NECAB2: variants seen among roughly 807,000 people sequenced by gnomAD.
NECAB2 encodes N-terminal EF-hand calcium binding protein 2, also known as N-terminal EF-hand calcium-binding protein 2.
In NECAB2, 68 loss-of-function variants were observed where a neutral mutation model predicts 51.9. The ratio of observed to expected loss-of-function variants is 1.31; its 90% CI spans 1.08 to 1.60. NECAB2 has a LOEUF of 1.60. Among genes scored for constraint, NECAB2 ranks in the 40% most tolerant of loss-of-function variants. The pLI is 0.00. For missense variants in NECAB2, 854 were observed against 490.3 expected, an observed-to-expected ratio of 1.74 and a Z score of -7.00; for synonymous variants, 329 against 203.5, an observed-to-expected ratio of 1.62 and a Z score of -5.25.
chr16:83,991,144 G>T (rs1382196315), intron 6 of NECAB2, among the ~76,000 whole-genome samples: 1 of 151,798 alleles, frequency 6.6e-6, no homozygotes, highest in Non-Finnish European at 1.5e-5. Context: ...CACCATGCCT[G>T]GCTGATTTTT....
Position 83,994,625 on chromosome 16 carries a change from G to A in NECAB2, c.732G>A (p.Lys244=). The change falls in exon 8 of 13, where the codon AAG becomes AAA. Residue 244 remains lysine (K), a synonymous_variant. Coordinates refer to ENST00000305202, the MANE Select transcript of NECAB2 (RefSeq NM_019065.3). Reference sequence around the variant, plus strand: ...CTACCGCAGCCACGGAGGATGCAAAGGAAGAGGGTCTGGAAGCCCAGATCA... The same window carrying A: ...CTACCGCAGCCACGGAGGATGCAAAAGAAGAGGGTCTGGAAGCCCAGATCA... ...KTLPSATEDA[K]EEGLEAQISR... The A allele has an allele frequency of 6.2e-7, 1 of 1,614,162 alleles. No individual in the cohort carries two copies. The highest frequency in any genetic ancestry group is 8.5e-7 in the Non-Finnish European group (1 of 1,180,044).
In NECAB2 at chr16:84,002,450, A is replaced by C; in HGVS notation, c.*104A>C. On this transcript the variant is annotated 3_prime_UTR_variant, in exon 13 of 13. Coordinates refer to ENST00000305202, the MANE Select transcript of NECAB2 (RefSeq NM_019065.3). Reference sequence around the variant, plus strand: ...ACTTTGGTGCAGAAGCTTCTTTTCAATCCATCCTCCACAAGAAGGTGTTTC... The same window carrying C: ...ACTTTGGTGCAGAAGCTTCTTTTCACTCCATCCTCCACAAGAAGGTGTTTC... The C allele has an allele frequency of 2.8e-6, 4 of 1,421,468 alleles. No individual in the cohort carries two copies. Among genetic ancestry groups the C allele is most frequent in the Non-Finnish European group, 9.9e-7 (1 of 1,012,730 alleles). 88.1% of individuals were successfully genotyped at this position (1,421,468 alleles called of 1,614,324 possible).
intron 9 of NECAB2, among the ~76,000 whole-genome samples, 178 bp from the exon 10 acceptor site, chr16:83,998,027 G>T: frequency 6.6e-6 from 1 of 152,128 alleles, no homozygotes; most frequent in East Asian, 1.9e-4. Flanking sequence ...GGCTCTTGAG[G>T]TTCTAGTCCT....
chr16:83,976,076 AG>A (rs1196902650), intron 2 of NECAB2, among the ~76,000 whole-genome samples: 3 of 152,060 alleles, frequency 2.0e-5, no homozygotes, highest in Non-Finnish European at 4.4e-5. Flanking sequence ...CTGTGTGCAG[AG>A]GGGGCCCAAG....
At position 84,001,813 on chromosome 16, in the gene NECAB2, C is replaced by T; in HGVS notation, c.1041-12C>T. Reference sequence around the variant, plus strand: ...CTGCCACCCCTGACTCACACATGTCCCTGCGTCACAGGCACCTGCAGAGCC... The same window carrying T: ...CTGCCACCCCTGACTCACACATGTCTCTGCGTCACAGGCACCTGCAGAGCC... On this transcript the variant is annotated splice_polypyrimidine_tract_variant and intron_variant, in intron 11 of 12. Coordinates refer to ENST00000305202, the MANE Select transcript of NECAB2 (RefSeq NM_019065.3). The T allele has an allele frequency of 1.9e-6, 3 of 1,613,876 alleles. No individual in the cohort carries two copies. Among genetic ancestry groups the T allele is most frequent in the Non-Finnish European group, 2.5e-6 (3 of 1,179,836 alleles).
Position 84,000,919 on chromosome 16 carries a change from C to T in NECAB2, c.1040+118C>T, listed in dbSNP as rs149078072. ...AGGCCGAGTCCAGTCAGCAGATTCC[C>T]GAGGCATCTACCCGCTGGCATGCTT... is the stretch of plus-strand genomic sequence containing the variant. On this transcript the variant is annotated intron_variant, in intron 11 of 12. Coordinates refer to ENST00000305202, the MANE Select transcript of NECAB2 (RefSeq NM_019065.3). 2,803 of 979,646 alleles carry T rather than the reference C, an allele frequency of 2.9e-3. 38 individuals are homozygous for T. The highest frequency in any genetic ancestry group is 0.019 in the South Asian group (1,322 of 69,648). The allele number at this position is 979,646 out of a possible 1,614,324, so 60.7% of individuals were successfully genotyped here. A position where few individuals can be genotyped will look rare whatever the true frequency, so the allele number is the denominator to read the frequency against.
chr16:83,996,823 A>G (rs1335090138), intron 8 of NECAB2, among the ~76,000 whole-genome samples: 1 of 152,150 alleles, frequency 6.6e-6, no homozygotes, highest in Non-Finnish European at 1.5e-5. Context: ...GTATTTGTAA[A>G]CCATCTAGCT....
chr16:83,971,108 T>G (rs1383403677), intron 1 of NECAB2, among the ~76,000 whole-genome samples: 1 of 144,742 alleles, frequency 6.9e-6, no homozygotes, highest in Non-Finnish European at 1.5e-5. Flanking sequence ...AAAAAAAAAA[T>G]AGTGCTGGTG....
At chr16:83,968,035 T>G (rs2084306910), upstream of NECAB2, among the ~76,000 whole-genome samples, 1 of 150,830 alleles carries the variant, frequency 6.6e-6, no homozygotes, top group Non-Finnish European at 1.5e-5. Context: ...GATGGATGGG[T>G]GGATGGAGTA....
chr16:83,969,745 C>G (rs1284396197), intron 1 of NECAB2, among the ~76,000 whole-genome samples: 3 of 152,162 alleles, frequency 2.0e-5, no homozygotes, highest in Admixed American at 6.5e-5. Context: ...ATGTTGACTG[C>G]GTGTTTCAGC....
rs140440805 is a variant in NECAB2 at position 83,981,010 on chromosome 16, C to G, written c.362-20C>G. 5.6e-6 allele frequency: 9 copies of G among 1,612,762 alleles called. No homozygotes were observed. Among genetic ancestry groups the G allele is most frequent in the Admixed American group, 3.3e-5 (2 of 60,014 alleles). On this transcript the variant is annotated intron_variant, in intron 4 of 12. Transcript: ENST00000305202. ...AGGGGCAGGACCTGTGACCCCTGAC[C>G]TTTGCCTTTCCTTCCCCAGATTACT...
chr16:83,985,249 G>A (rs1018631203), intron 5 of NECAB2, among the ~76,000 whole-genome samples: 1 of 141,892 alleles, frequency 7.0e-6, no homozygotes, highest in Non-Finnish European at 1.5e-5. Context: ...GGAGGTGGAG[G>A]TTGCAGTGAG....
intron 6 of NECAB2, 90 bp downstream of exon 6, chr16:83,990,720 C>G (rs2084613061): frequency 6.5e-7 from 1 of 1,529,610 alleles, no homozygotes; most frequent in South Asian, 1.2e-5. Flanking sequence ...GTCTGTGTAC[C>G]TAAGAGCTGG....
intron 5 of NECAB2, among the ~76,000 whole-genome samples, chr16:83,984,556 C>G (rs377604721): frequency 6.4e-4 from 97 of 151,998 alleles, no homozygotes; most frequent in African/African-American, 2.1e-3. Flanking sequence ...GACCCCGTTT[C>G]TACCAAAAAC....
rs780604231 is a variant in NECAB2 at position 83,994,389 on chromosome 16, G to T, written c.684G>T (p.Met228Ile). Reference sequence around the variant, plus strand: ...CCTCTGCCCCCAACCACAAGCTCATGGCTATGGAACAAGGCAAGACCCTTC... The same window carrying T: ...CCTCTGCCCCCAACCACAAGCTCATTGCTATGGAACAAGGCAAGACCCTTC... The part of the protein sequence containing the change: ...TPASAPNHKL[M>I]AMEQGKTLPS... Residue 228 changes from methionine (M) to isoleucine (I), a missense_variant, in exon 7 of 13, where the codon ATG becomes ATT. Coordinates refer to ENST00000305202, the MANE Select transcript of NECAB2 (RefSeq NM_019065.3). 1 of 1,614,172 alleles carries T rather than the reference G, an allele frequency of 6.2e-7. No homozygotes were observed. Among genetic ancestry groups the T allele is most frequent in the African/African-American group, 1.3e-5 (1 of 75,050 alleles).
rs76941130 is a variant in NECAB2, at chr16:83,979,834, C to G, written c.336-1005C>G. 3.1e-3 allele frequency among the ~76,000 whole-genome samples: 467 copies of G among 152,226 alleles called. 16 individuals are homozygous for G. In the East Asian group the frequency reaches 0.076, roughly 25 times the overall value. On this transcript the variant is annotated intron_variant, in intron 3 of 12. Transcript: ENST00000305202. ...TTAGGATTAATCTCCCCAACATTACCTAAGGTGTGAGCCACGAACATTAGC... is the reference window on the plus strand; with the variant it reads ...TTAGGATTAATCTCCCCAACATTACGTAAGGTGTGAGCCACGAACATTAGC...
At position 83,997,208 on chromosome 16, in the gene NECAB2, T is replaced by C. The variant is rs772403058; in HGVS notation, c.796-8T>C. On this transcript the variant is annotated splice_region_variant and splice_polypyrimidine_tract_variant and intron_variant, in intron 8 of 12. Transcript: ENST00000305202. ...GGTCTAGCATCACTGTGTGCTGGATTGTTTCAGGCACTGTGGTTCGACCTG... is the reference window on the plus strand; with the variant it reads ...GGTCTAGCATCACTGTGTGCTGGATCGTTTCAGGCACTGTGGTTCGACCTG... 4 of 1,613,982 alleles carry C rather than the reference T, an allele frequency of 2.5e-6. No homozygotes were observed. In the African/African-American group the frequency reaches 5.3e-5, roughly 22 times the overall value.
chr16:83,981,532 C>T lies in NECAB2; in HGVS notation c.459+405C>T, dbSNP rs190295622. 5.1e-4 allele frequency among the ~76,000 whole-genome samples: 77 copies of T among 152,192 alleles called. No homozygotes were observed. The East Asian group carries it at 6.0e-3, about 12-fold the overall frequency. On this transcript the variant is annotated intron_variant, in intron 5 of 12. Transcript: ENST00000305202. ...TGAACCCTGTCCCATATCAGGTTCT[C>T]GATGCTCAGCACCTGGTTTAATCCT...
chr16:83,988,590 G>T (rs2084583722), intron 5 of NECAB2, among the ~76,000 whole-genome samples: 1 of 152,102 alleles, frequency 6.6e-6, no homozygotes, highest in Non-Finnish European at 1.5e-5. Flanking sequence ...GTTAGTTCTT[G>T]TCATAACTTC....
Sources: gnomAD v4.1 joint callset for allele counts (sites outside exome capture counted in the v4.1 genomes callset) on GRCh38, gnomAD v4.1.1 for gene constraint, MANE v1.5 for transcripts, NCBI Gene and HGNC (gene_info 2026-07-23, HGNC 2026-07-21) for gene names.